ADGRL4: variants seen among roughly 807,000 people sequenced by gnomAD.
ADGRL4 encodes the protein EGF, latrophilin and seven transmembrane domain containing 1.
A neutral mutation model predicts 74.8 loss-of-function variants in ADGRL4; 90 were observed. That is an observed-to-expected ratio of 1.20 (90% CI 1.02 to 1.43). The LOEUF is 1.43. ADGRL4 is among the 40% of genes most tolerant of loss of function. The pLI is 0.00. For synonymous variants in ADGRL4, 311 were observed against 279.2 expected, an observed-to-expected ratio of 1.11 and a Z score of -1.14; for missense variants, 881 against 814.3, an observed-to-expected ratio of 1.08 and a Z score of -1.00.
At position 78,937,909 on chromosome 1, in the gene ADGRL4, T is replaced by G; in HGVS notation, c.658A>C (p.Thr220Pro). The G allele has an allele frequency of 6.2e-7, 1 of 1,614,034 alleles. No individual in the cohort carries two copies. The highest frequency in any genetic ancestry group is 8.5e-7 in the Non-Finnish European group (1 of 1,179,908). Reference sequence around the variant, plus strand: ...GTGTGCATGAGTTTTGTAAGATGTGTTCTCCTATGATTCACAGATAACTTG... The same window carrying G: ...GTGTGCATGAGTTTTGTAAGATGTGGTCTCCTATGATTCACAGATAACTTG... Reference protein sequence around the residue: ...WDKLSVNHRRTHLTKLMHTVE... With the variant: ...WDKLSVNHRRPHLTKLMHTVE... Residue 220 changes from threonine to proline, a missense_variant, in exon 6 of 15, where the codon ACA (threonine) becomes CCA (proline). Coordinates refer to ENST00000370742, the MANE Select transcript of ADGRL4 (RefSeq NM_022159.4).
At chr1:79,006,071 T>C (rs1650956337) in intron 1 of ADGRL4, among the ~76,000 whole-genome samples, 1 of 152,220 alleles carries the variant, frequency 6.6e-6, no homozygotes, top group African/African-American at 2.4e-5. Flanking sequence ...CCAGGCCTAC[T>C]CAAGAGTCTT....
chr1:78,960,443 A>G (rs906956760), intron 2 of ADGRL4, among the ~76,000 whole-genome samples: 36 of 152,146 alleles, frequency 2.4e-4, no homozygotes, highest in African/African-American at 8.0e-4. Context: ...TCTTGAAACA[A>G]TAATTATAGC....
At chr1:78,909,103 G>A (rs983333838) in intron 12 of ADGRL4, among the ~76,000 whole-genome samples, 1 of 151,876 alleles carries the variant, frequency 6.6e-6, no homozygotes, top group African/African-American at 2.4e-5. Flanking sequence ...GAGTATTAAA[G>A]TGCCTTGAAA....
intron 12 of ADGRL4, among the ~76,000 whole-genome samples, chr1:78,913,000 A>C (rs1648795635): frequency 6.6e-6 from 1 of 152,010 alleles, no homozygotes; most frequent in Admixed American, 6.6e-5. Context: ...ACTGTTCAAA[A>C]GGAGACATAC....
At chr1:78,942,043 CA>C (rs1292242981) in intron 3 of ADGRL4, among the ~76,000 whole-genome samples, 1 of 151,800 alleles carries the variant, frequency 6.6e-6, no homozygotes, top group East Asian at 1.9e-4. Context: ...ACTAAAAATA[CA>C]AAAAATTAGC....
At chr1:78,964,939 A>G (rs1045672806) in intron 2 of ADGRL4, among the ~76,000 whole-genome samples, 3 of 152,260 alleles carry the variant, frequency 2.0e-5, no homozygotes, top group Middle Eastern at 3.4e-3. Context: ...TTTCTCACCT[A>G]TAAAGTGATT....
chr1:78,988,627 G>A (rs1462074170), intron 2 of ADGRL4, among the ~76,000 whole-genome samples: 5 of 151,780 alleles, frequency 3.3e-5, no homozygotes, highest in African/African-American at 1.2e-4. Flanking sequence ...CCCTGACAGA[G>A]TAATTCCAGT....
At chr1:78,985,530 GTATAA>G (rs1402605213) in intron 2 of ADGRL4, among the ~76,000 whole-genome samples, 3 of 151,654 alleles carry the variant, frequency 2.0e-5, no homozygotes, top group South Asian at 2.1e-4. Flanking sequence ...TACACAATTG[GTATAA>G]TATATTTCCT....
At chr1:78,994,110 G>A (rs1326358683) in intron 2 of ADGRL4, among the ~76,000 whole-genome samples, 1 of 152,040 alleles carries the variant, frequency 6.6e-6, no homozygotes, top group Non-Finnish European at 1.5e-5. Flanking sequence ...CAATAAATAA[G>A]TCAATGAAAA....
At chr1:78,945,814 GAGGTAA>G (rs59912193) in intron 3 of ADGRL4, among the ~76,000 whole-genome samples, 12,751 of 152,052 alleles carry the variant, frequency 0.084, 728 homozygotes, top group Admixed American at 0.17. Context: ...TATTAAAGCA[GAGGTAA>G]AACCACTAGA....
intron 13 of ADGRL4, among the ~76,000 whole-genome samples, chr1:78,892,613 C>T (rs1223477594): frequency 6.6e-6 from 1 of 152,050 alleles, no homozygotes; most frequent in Non-Finnish European, 1.5e-5. Context: ...ATTGAAACTA[C>T]AGGAGTGTTC....
At chr1:78,992,534 C>T (rs1352427621) in intron 2 of ADGRL4, among the ~76,000 whole-genome samples, 1 of 152,028 alleles carries the variant, frequency 6.6e-6, no homozygotes, top group Non-Finnish European at 1.5e-5. Flanking sequence ...AGTTTGTTCC[C>T]TATAGTCCAA....
intron 12 of ADGRL4, among the ~76,000 whole-genome samples, chr1:78,894,324 G>A (rs1365259350): frequency 6.6e-6 from 1 of 151,730 alleles, no homozygotes; most frequent in Non-Finnish European, 1.5e-5. Flanking sequence ...GTCCTTGAGA[G>A]GAAATCTCGG....
At chr1:78,969,893 TA>T (rs1427137925) in intron 2 of ADGRL4, among the ~76,000 whole-genome samples, 1 of 152,134 alleles carries the variant, frequency 6.6e-6, no homozygotes, top group African/African-American at 2.4e-5. Context: ...ATGGGCAATG[TA>T]AAAATCTGGA....
intron 2 of ADGRL4, among the ~76,000 whole-genome samples, chr1:78,988,677 C>A (rs752065733): frequency 3.7e-4 from 56 of 151,922 alleles, no homozygotes; most frequent in Non-Finnish European, 5.6e-4. Flanking sequence ...ACACACATCA[C>A]TTCTCCTAGG....
At chr1:78,958,856 C>A (rs1280259490) in intron 2 of ADGRL4, among the ~76,000 whole-genome samples, 1 of 152,038 alleles carries the variant, frequency 6.6e-6, no homozygotes, top group Admixed American at 6.5e-5. Flanking sequence ...AAGAGACAAT[C>A]CAAGTGGAAA....
intron 3 of ADGRL4, among the ~76,000 whole-genome samples, chr1:78,941,331 G>T (rs983540109): frequency 2.0e-5 from 3 of 152,144 alleles, no homozygotes; most frequent in African/African-American, 7.2e-5. Context: ...AAGCAAAGAT[G>T]AGTCTTTTTT....
chr1:78,912,284 T>C (rs1648777717), intron 12 of ADGRL4, among the ~76,000 whole-genome samples: 1 of 151,904 alleles, frequency 6.6e-6, no homozygotes. Context: ...TAGACTCTGT[T>C]GTGCCAAGGA....
At chr1:78,967,906 T>TTTTTTTTTTTTTTTTTTTTTTTTTGAG (rs1650088162) in intron 2 of ADGRL4, among the ~76,000 whole-genome samples, 1 of 152,092 alleles carries the variant, frequency 6.6e-6, no homozygotes, top group African/African-American at 2.4e-5. Context: ...CTACCATATT[T>TTTTTTTTTTTTTTTTTTTTTTTTTGAG]AACAGCCTTC....
Sources: gnomAD v4.1 joint callset for allele counts (sites outside exome capture counted in the v4.1 genomes callset) on GRCh38, gnomAD v4.1.1 for gene constraint, MANE v1.5 for transcripts, NCBI Gene and HGNC (gene_info 2026-07-23, HGNC 2026-07-21) for gene names.